The following CYBRD1 variants were observed in gnomAD, a reference collection of about 807,000 sequenced individuals.
CYBRD1 encodes cytochrome b reductase 1, also known as plasma membrane ascorbate-dependent reductase CYBRD1.
A neutral mutation model predicts 21.9 loss-of-function variants in CYBRD1; 14 were observed. That is an observed-to-expected ratio of 0.64 (90% CI 0.42 to 1.00). The LOEUF (loss-of-function observed/expected upper bound fraction) is 1.00, where lower values mean the gene tolerates loss of function less well. Among genes scored for constraint, CYBRD1 ranks in the 50% least tolerant of loss-of-function variants. CYBRD1 has a pLI of 0.00. For missense variants in CYBRD1, 328 were observed against 352.5 expected, an observed-to-expected ratio of 0.93 and a Z score of 0.56; for synonymous variants, 146 against 136.5, an observed-to-expected ratio of 1.07 and a Z score of -0.48.
At chr2:171,538,322 C>T (rs1429455457) in intron 1 of CYBRD1, among the ~76,000 whole-genome samples, 1 of 152,052 alleles carries the variant, frequency 6.6e-6, no homozygotes, top group Non-Finnish European at 1.5e-5. Flanking sequence ...TGCTTTGAGT[C>T]CAGGGCTGCC....
At chr2:171,532,405 T>C (rs1299472943) in intron 1 of CYBRD1, among the ~76,000 whole-genome samples, 1 of 152,246 alleles carries the variant, frequency 6.6e-6, no homozygotes, top group Non-Finnish European at 1.5e-5. Flanking sequence ...GTTAAGTGGG[T>C]CCAAGTGCAG....
intron 1 of CYBRD1, chr2:171,523,123 G>C (rs1016775584): frequency 9.8e-5 from 32 of 327,560 alleles, no homozygotes; most frequent in South Asian, 8.2e-4. Flanking sequence ...GCGCAGTCGG[G>C]CCGCTGCAGC....
chr2:171,527,204 G>A (rs1465122918), intron 1 of CYBRD1, among the ~76,000 whole-genome samples: 1 of 152,128 alleles, frequency 6.6e-6, no homozygotes, highest in East Asian at 1.9e-4. Context: ...GTAAAGAGAT[G>A]ATTTAAAGCA....
chr2:171,543,035 A>G (rs1387616167), intron 2 of CYBRD1, among the ~76,000 whole-genome samples: 1 of 152,222 alleles, frequency 6.6e-6, no homozygotes, highest in Non-Finnish European at 1.5e-5. Context: ...AAAATATACC[A>G]GGAAAAGTAA....
chr2:171,554,949 G>A lies in CYBRD1; in HGVS notation c.*122G>A. 1 of 1,092,342 alleles carries A rather than the reference G, an allele frequency of 9.2e-7. No individual in the cohort carries two copies. Among genetic ancestry groups the A allele is most frequent in the Non-Finnish European group, 1.3e-6 (1 of 741,666 alleles). The allele number at this position is 1,092,342 out of a possible 1,614,324, so 67.7% of individuals were successfully genotyped here. A position where few individuals can be genotyped will look rare whatever the true frequency, so the allele number is the denominator to read the frequency against. ...ATCAATATTTACTTTAATCACAAAG[G>A]ATGGTTTCTTGAAATAATTTGTATT... On this transcript the variant is annotated 3_prime_UTR_variant, in exon 4 of 4. Transcript: ENST00000321348.
intron 2 of CYBRD1, among the ~76,000 whole-genome samples, chr2:171,552,405 T>G (rs965252797): frequency 4.6e-5 from 7 of 152,204 alleles, no homozygotes; most frequent in African/African-American, 1.7e-4. Context: ...ATTAGGGCGT[T>G]GGACCCCTCC....
chr2:171,524,818 T>A (rs1697360975), intron 1 of CYBRD1, among the ~76,000 whole-genome samples: 1 of 152,272 alleles, frequency 6.6e-6, no homozygotes, highest in Non-Finnish European at 1.5e-5. Flanking sequence ...TACGGTTTTC[T>A]AAAAGGTTTT....
Position 171,522,707 on chromosome 2 carries a change from G to C in CYBRD1, c.162G>C (p.Met54Ile). 6.2e-7 allele frequency: 1 copy of C among 1,613,576 alleles called. No homozygotes were observed. The highest frequency in any genetic ancestry group is 1.1e-5 in the South Asian group (1 of 90,816). ...ALEFNWHPVL[M>I]VTGFVFIQGI... ...AGTTTAACTGGCACCCAGTGCTCATGGTCACCGGCTTCGTCTTCATCCAGG... is the reference window on the plus strand; with the variant it reads ...AGTTTAACTGGCACCCAGTGCTCATCGTCACCGGCTTCGTCTTCATCCAGG... Residue 54 changes from methionine to isoleucine, a missense_variant, in exon 1 of 4, where the codon ATG becomes ATC. Coordinates refer to ENST00000321348, the MANE Select transcript of CYBRD1 (RefSeq NM_024843.4). This position sits in a 1 kb window ranked among gnomAD's most constrained non-coding sequence, Gnocchi z 4.3.
chr2:171,534,758 G>A (rs1697521788), intron 1 of CYBRD1, among the ~76,000 whole-genome samples: 1 of 152,088 alleles, frequency 6.6e-6, no homozygotes, highest in African/African-American at 2.4e-5. Flanking sequence ...GCAGGCTTAT[G>A]GAAATATTGT....
chr2:171,552,727 C>G (rs908420610), intron 2 of CYBRD1, among the ~76,000 whole-genome samples: 4 of 152,220 alleles, frequency 2.6e-5, no homozygotes, highest in African/African-American at 9.6e-5. Context: ...AGGTATCCCA[C>G]TAGCGATTTC....
chr2:171,546,526 T>C (rs541964065), intron 2 of CYBRD1, among the ~76,000 whole-genome samples: 2 of 152,190 alleles, frequency 1.3e-5, no homozygotes, highest in Non-Finnish European at 2.9e-5. Context: ...CCCAAATCTA[T>C]TCATATATTC....
At chr2:171,541,317 C>T (rs1697627542) in intron 1 of CYBRD1, among the ~76,000 whole-genome samples, 1 of 151,988 alleles carries the variant, frequency 6.6e-6, no homozygotes, top group Admixed American at 6.6e-5. Flanking sequence ...AGAGGGAGTG[C>T]AGAGGGAGAA....
rs1157404765 is a variant in CYBRD1, at chr2:171,556,877, C to CAA, written c.*2053_*2054dup. ...GGATGTTCCATTACATAGAGGAACA[C>CAA]AAAATTCCAGGGTTTTTGGAGGAAG... On this transcript the variant is annotated 3_prime_UTR_variant, in exon 4 of 4. Coordinates refer to ENST00000321348, the MANE Select transcript of CYBRD1 (RefSeq NM_024843.4). 6.6e-6 allele frequency: 1 copy of CAA among 152,252 alleles called. No homozygotes were observed. The highest frequency in any genetic ancestry group is 1.9e-4 in the East Asian group (1 of 5,188). The allele number at this position is 152,252 out of a possible 1,614,324, so 9.4% of individuals were successfully genotyped here.
At chr2:171,529,135 G>C (rs1282710259) in intron 1 of CYBRD1, among the ~76,000 whole-genome samples, 1 of 152,112 alleles carries the variant, frequency 6.6e-6, no homozygotes, top group Admixed American at 6.5e-5. Flanking sequence ...TTAAACCAGA[G>C]GGTCACACCA....
intron 2 of CYBRD1, among the ~76,000 whole-genome samples, chr2:171,549,799 G>A (rs1697772376): frequency 6.6e-6 from 1 of 152,212 alleles, no homozygotes; most frequent in Admixed American, 6.5e-5. Context: ...CTGTGTTGAA[G>A]AACAGCTTCC....
At position 171,541,759 on chromosome 2, in the gene CYBRD1, T is replaced by C. The variant is rs1201207482; in HGVS notation, c.368T>C (p.Val123Ala). ...AATATGTACAGTCTGCACAGCTGGGTTGGACTGATAGCTGTCATATGCTAT... is the reference window on the plus strand; with the variant it reads ...AATATGTACAGTCTGCACAGCTGGGCTGGACTGATAGCTGTCATATGCTAT... ...IANMYSLHSWVGLIAVICYLL... is the reference protein window; with the variant it reads ...IANMYSLHSWAGLIAVICYLL... Residue 123 changes from valine to alanine, a missense_variant, in exon 2 of 4, where the codon GTT becomes GCT. Physicochemically the swap from Val to Ala is moderately conservative, Grantham distance 64 (BLOSUM62 0). Coordinates refer to ENST00000321348, the MANE Select transcript of CYBRD1 (RefSeq NM_024843.4). The C allele has an allele frequency of 3.7e-6, 6 of 1,613,938 alleles. No individual in the cohort carries two copies. The East Asian group carries it at 1.3e-4, about 36-fold the overall frequency.
At chr2:171,524,261 AG>A (rs1697353679) in intron 1 of CYBRD1, among the ~76,000 whole-genome samples, 3 of 152,094 alleles carry the variant, frequency 2.0e-5, no homozygotes, top group African/African-American at 7.2e-5. Flanking sequence ...CGTAACTCTC[AG>A]TTATTTTGCC....
At chr2:171,523,252 C>A in intron 1 of CYBRD1, 1 of 430,340 alleles carries the variant, frequency 2.3e-6, no homozygotes, top group Non-Finnish European at 4.7e-6. Flanking sequence ...GAGGGGAAGG[C>A]AGCGGGGAAA....
At chr2:171,532,340 T>C (rs1036577157) in intron 1 of CYBRD1, among the ~76,000 whole-genome samples, 3 of 152,234 alleles carry the variant, frequency 2.0e-5, no homozygotes, top group Non-Finnish European at 4.4e-5. Flanking sequence ...AAAATTCCAG[T>C]GTACTTCAAA....
Sources: gnomAD v4.1 joint callset for allele counts (sites outside exome capture counted in the v4.1 genomes callset) on GRCh38, gnomAD v4.1.1 for gene constraint, Gnocchi (gnomAD v3.1) non-coding constraint, MANE v1.5 for transcripts, NCBI Gene and HGNC (gene_info 2026-07-23, HGNC 2026-07-21) for gene names.